FBXO30: variants seen among roughly 807,000 people sequenced by gnomAD.
The protein encoded by FBXO30 is F-box only protein 30.
FBXO30 carries 21 observed loss-of-function variants against 58.1 expected under a neutral mutation model. The observed-to-expected ratio is 0.36, with a 90% CI of 0.26 to 0.52. FBXO30 has a LOEUF of 0.52. FBXO30 is among the 20% of genes least tolerant of loss of function. FBXO30 has a pLI of 0.93. For missense variants in FBXO30, 744 were observed against 897.3 expected (o/e 0.83, Z 2.18); for synonymous variants, 309 against 312.4 (o/e 0.99, Z 0.11).
At position 145,799,703 on chromosome 6, in the gene FBXO30, C is replaced by T. The variant is rs1777939096; in HGVS notation, c.*403G>A. On this transcript the variant is annotated 3_prime_UTR_variant, in exon 3 of 3. Transcript: ENST00000237281. ...ATTCAGAATATTTTTATATGAAAAA[C>T]CTATGCTGTAAAAAATCTCAATCAA... 1 of 155,504 alleles carries T rather than the reference C, an allele frequency of 6.4e-6. No homozygotes were observed. Among genetic ancestry groups the T allele is most frequent in the Admixed American group, 6.5e-5 (1 of 15,468 alleles). The allele number at this position is 155,504 out of a possible 1,614,324, so 9.6% of individuals were successfully genotyped here.
intron 2 of FBXO30, among the ~76,000 whole-genome samples, chr6:145,801,527 C>T (rs1777998779): frequency 6.6e-6 from 1 of 151,876 alleles, no homozygotes; most frequent in African/African-American, 2.4e-5. Context: ...ATTGGACACC[C>T]CTGCTTTAGA....
In FBXO30 at chr6:145,794,253, C is replaced by T. The variant is rs899403471; in HGVS notation, c.*5853G>A. The T allele has an allele frequency of 2.0e-5, 3 of 151,836 alleles. No individual in the cohort carries two copies. Among genetic ancestry groups the T allele is most frequent in the African/African-American group, 7.2e-5 (3 of 41,392 alleles). The allele number at this position is 151,836 out of a possible 1,614,324, so 9.4% of individuals were successfully genotyped here. ...GCTTCATTCACTTAGGTTTTTTATC[C>T]TCCAAAGAATATCACATCTTTCTGC... On this transcript the variant is annotated 3_prime_UTR_variant, in exon 3 of 3. Coordinates refer to ENST00000237281, the MANE Select transcript of FBXO30 (RefSeq NM_032145.5).
rs1205491263 is a variant in FBXO30, at chr6:145,794,695, G to T, written c.*5411C>A. The T allele has an allele frequency of 6.6e-6, 1 of 151,734 alleles. No homozygotes were observed. Among genetic ancestry groups the T allele is most frequent in the Non-Finnish European group, 1.5e-5 (1 of 67,770 alleles). The allele number at this position is 151,734 out of a possible 1,614,324, so 9.4% of individuals were successfully genotyped here. A position where few individuals can be genotyped will look rare whatever the true frequency, so the allele number is the denominator to read the frequency against. On this transcript the variant is annotated 3_prime_UTR_variant, in exon 3 of 3. Coordinates refer to ENST00000237281, the MANE Select transcript of FBXO30 (RefSeq NM_032145.5). Reference sequence around the variant, plus strand: ...ACAGTGCCCATTATTTCCATGGTTTGATTTATTTCAATCAAATAACACGGT... The same window carrying T: ...ACAGTGCCCATTATTTCCATGGTTTTATTTATTTCAATCAAATAACACGGT...
In FBXO30 at chr6:145,806,310, A is replaced by G. The variant is rs750830854; in HGVS notation, c.96T>C (p.Gly32=). The change falls in exon 2 of 3, where the codon GGT becomes GGC. Residue 32 remains glycine (G), a synonymous_variant. Coordinates refer to ENST00000237281, the MANE Select transcript of FBXO30 (RefSeq NM_032145.5). ...AAACTGCACCACAAACCAATGGACA[A>G]CCAATCAAATCACAGGAAATCCCTG... ...PEPGISCDLI[G]CPLVCGAVFH... 2 of 1,613,916 alleles carry G rather than the reference A, an allele frequency of 1.2e-6. No homozygotes were observed. The highest frequency in any genetic ancestry group is 2.7e-5 in the African/African-American group (2 of 74,898).
chr6:145,804,778 A>G lies in FBXO30; in HGVS notation c.1628T>C (p.Ile543Thr). ...CATCCAGCCATTGAGTCCAGCATGA[A>G]TGTCACCATGCACATTCTTAAAGTG... ...SSHFKNVHGD[I>T]HAGLNGWMEQ... Residue 543 changes from isoleucine (I) to threonine (T), a missense_variant, in exon 2 of 3, where the codon ATT becomes ACT. Ile to Thr is a moderately conservative substitution (Grantham distance 89). Around this residue, in one of 3 missense-constraint regions of FBXO30, gnomAD observed 334 missense variants for 433.7 expected, o/e 0.77. Coordinates refer to ENST00000237281, the MANE Select transcript of FBXO30 (RefSeq NM_032145.5). The G allele has an allele frequency of 1.2e-6, 2 of 1,613,986 alleles. No homozygotes were observed. Among genetic ancestry groups the G allele is most frequent in the Non-Finnish European group, 1.7e-6 (2 of 1,179,916 alleles).
chr6:145,814,742 C>A lies in FBXO30; in HGVS notation c.-156G>T, dbSNP rs1207078085. On this transcript the variant is annotated 5_prime_UTR_variant, in exon 1 of 3. Transcript: ENST00000237281. Reference sequence around the variant, plus strand: ...CTCCGCCCCTCTTCCCCAGCCGGGCCGCCGCCTTTTCTCTTCTCCCGGCCT... The same window carrying A: ...CTCCGCCCCTCTTCCCCAGCCGGGCAGCCGCCTTTTCTCTTCTCCCGGCCT... 2 of 153,520 alleles carry A rather than the reference C, an allele frequency of 1.3e-5. No individual in the cohort carries two copies. Among genetic ancestry groups the A allele is most frequent in the African/African-American group, 2.4e-5 (1 of 41,456 alleles). The allele number at this position is 153,520 out of a possible 1,614,324, so 9.5% of individuals were successfully genotyped here. A position where few individuals can be genotyped will look rare whatever the true frequency, so the allele number is the denominator to read the frequency against.
intron 2 of FBXO30, 87 bp from the exon 3 acceptor site, chr6:145,800,396 C>T: frequency 9.6e-7 from 1 of 1,042,664 alleles, no homozygotes; most frequent in Non-Finnish European, 1.4e-6. Context: ...TACATTTCTG[C>T]TATTATAGAA....
rs758785938 is a variant in FBXO30 at position 145,804,984 on chromosome 6, A to C, written c.1422T>G (p.Val474=). The change falls in exon 2 of 3, where the codon GTT becomes GTG. Residue 474 remains valine (V), a synonymous_variant. Coordinates refer to ENST00000237281, the MANE Select transcript of FBXO30 (RefSeq NM_032145.5). ...AAGCTGAAGCTGAAGCTATCTCCCC[A>C]ACCATTGTACTTGTAGCTAATATTG... ...PSAILATSTM[V]GEIASASACD... 1.2e-6 allele frequency: 2 copies of C among 1,613,888 alleles called. No homozygotes were observed. The highest frequency in any genetic ancestry group is 1.7e-6 in the Non-Finnish European group (2 of 1,179,910).
At position 145,806,397 on chromosome 6, in the gene FBXO30, C is replaced by T; in HGVS notation, c.9G>A (p.Glu3=). ME[E]ELQHSHCVNC... is the part of the protein sequence containing the mutation. ...TCACACAATGGGAATGCTGCAGCTC[C>T]TCCTCCATAATGGCCAGTCCAGCTC... Residue 3 remains glutamate (E), a synonymous_variant, in exon 2 of 3, where the codon GAG becomes GAA. Transcript: ENST00000237281. 1 of 1,613,300 alleles carries T rather than the reference C, an allele frequency of 6.2e-7. No individual in the cohort carries two copies. The highest frequency in any genetic ancestry group is 8.5e-7 in the Non-Finnish European group (1 of 1,179,876).
chr6:145,805,316 C>T lies in FBXO30; in HGVS notation c.1090G>A (p.Glu364Lys). ...AAGTCTACTTTTTTCCAACACAATTCACCTTCACCTTCATCATCTGGCATG... is the reference window on the plus strand; with the variant it reads ...AAGTCTACTTTTTTCCAACACAATTTACCTTCACCTTCATCATCTGGCATG... ...ILMPDDEGEG[E>K]LCWKKVDLGD... The change falls in exon 2 of 3, where the codon GAA (glutamate) becomes AAA (lysine). Residue 364 changes from glutamate to lysine, a missense_variant. Physicochemically the swap from Glu to Lys is moderately conservative, Grantham distance 56. Transcript: ENST00000237281. 1 of 1,614,018 alleles carries T rather than the reference C, an allele frequency of 6.2e-7. No homozygotes were observed. The highest frequency in any genetic ancestry group is 8.5e-7 in the Non-Finnish European group (1 of 1,179,914).
chr6:145,803,554 G>A (rs556297491), intron 2 of FBXO30, among the ~76,000 whole-genome samples: 2 of 152,224 alleles, frequency 1.3e-5, no homozygotes, highest in East Asian at 3.9e-4. Context: ...CATATTATAA[G>A]TGTTCAAAAA....
chr6:145,801,755 TAGTA>T (rs1778005441), intron 2 of FBXO30, among the ~76,000 whole-genome samples: 1 of 152,098 alleles, frequency 6.6e-6, no homozygotes, highest in Non-Finnish European at 1.5e-5. Flanking sequence ...GGCCTAGTGA[TAGTA>T]TAGATGTCAC....
At chr6:145,807,914 G>C (rs1299549713) in intron 1 of FBXO30, among the ~76,000 whole-genome samples, 1 of 151,890 alleles carries the variant, frequency 6.6e-6, no homozygotes, top group Non-Finnish European at 1.5e-5. Flanking sequence ...GGTCATTTGA[G>C]GCCTGGAGTT....
intron 2 of FBXO30, among the ~76,000 whole-genome samples, chr6:145,801,243 A>G (rs990104931): frequency 3.9e-5 from 6 of 152,128 alleles, no homozygotes; most frequent in Admixed American, 1.3e-4. Flanking sequence ...CAAATGTCTA[A>G]TTAGGGAACA....
In FBXO30 at chr6:145,800,126, C is replaced by T. The variant is rs1428597329; in HGVS notation, c.2218G>A (p.Val740Ile). ...AACTTTTAAAGTACAGGTTTTAAAA[C>T]TGAGCGTAGTGAACGTCCTTCTTTA... ...LTKEGRSLRSVLKPVL is the reference protein window; with the variant it reads ...LTKEGRSLRSILKPVL The change falls in exon 3 of 3, where the codon GTT becomes ATT. Residue 740 changes from valine (V) to isoleucine (I), a missense_variant. Around this residue, in one of 3 missense-constraint regions of FBXO30, gnomAD observed 334 missense variants for 433.7 expected, o/e 0.77. Transcript: ENST00000237281. 1.2e-6 allele frequency: 2 copies of T among 1,612,564 alleles called. No homozygotes were observed. Among genetic ancestry groups the T allele is most frequent in the East Asian group, 2.2e-5 (1 of 44,834 alleles).
At position 145,795,946 on chromosome 6, in the gene FBXO30, A is replaced by C. The variant is rs923663038; in HGVS notation, c.*4160T>G. 1 of 151,958 alleles carries C rather than the reference A, an allele frequency of 6.6e-6. No individual in the cohort carries two copies. The highest frequency in any genetic ancestry group is 6.6e-5 in the Admixed American group (1 of 15,234). 9.4% of individuals were successfully genotyped at this position (151,958 alleles called of 1,614,324 possible). On this transcript the variant is annotated 3_prime_UTR_variant, in exon 3 of 3. Transcript: ENST00000237281. ...AGCAACATATCACACTTGGTTAGTT[A>C]GTTTCCTTTTGGTATTGCTCCAAAA...
In FBXO30 at chr6:145,794,813, TGA is replaced by T. The variant is rs1218702845; in HGVS notation, c.*5291_*5292del. 1.3e-4 allele frequency: 20 copies of T among 151,848 alleles called. No homozygotes were observed. The highest frequency in any genetic ancestry group is 8.3e-4 in the South Asian group (4 of 4,832). 9.4% of individuals were successfully genotyped at this position (151,848 alleles called of 1,614,324 possible). A position where few individuals can be genotyped will look rare whatever the true frequency, so the allele number is the denominator to read the frequency against. ...AAAATTTGTTTCTTCACGGGTGAGC[TGA>T]GAGAGACTTTAAAACAAGCATGATA... is the stretch of plus-strand genomic sequence containing the variant. On this transcript the variant is annotated 3_prime_UTR_variant, in exon 3 of 3. Coordinates refer to ENST00000237281, the MANE Select transcript of FBXO30 (RefSeq NM_032145.5).
At chr6:145,801,378 G>A (rs879348200) in intron 2 of FBXO30, among the ~76,000 whole-genome samples, 5 of 151,812 alleles carry the variant, frequency 3.3e-5, no homozygotes, top group Admixed American at 6.6e-5. Flanking sequence ...TTCTTAAAAC[G>A]TTATGAGATT....
In FBXO30 at chr6:145,795,074, C is replaced by G. The variant is rs1226973749; in HGVS notation, c.*5032G>C. On this transcript the variant is annotated 3_prime_UTR_variant, in exon 3 of 3. Transcript: ENST00000237281. ...CATCAGACTTTAAAACTACTAAATA[C>G]TAATATAACAATGTTACTTTTTGAC... 6.6e-6 allele frequency: 1 copy of G among 151,524 alleles called. No individual in the cohort carries two copies. Among genetic ancestry groups the G allele is most frequent in the Non-Finnish European group, 1.5e-5 (1 of 67,706 alleles). The allele number at this position is 151,524 out of a possible 1,614,324, so 9.4% of individuals were successfully genotyped here.
Sources: allele counts gnomAD v4.1 joint callset (sites outside exome capture counted in the v4.1 genomes callset), GRCh38; gene constraint gnomAD v4.1.1; regional missense constraint gnomAD v4.1.1; transcripts MANE v1.5; gene names NCBI Gene and HGNC (gene_info 2026-07-23, HGNC 2026-07-21).